The following NISCH variants were observed in gnomAD, a reference collection of about 807,000 sequenced individuals.
The protein encoded by NISCH is I-1 receptor candidate protein.
Under a neutral mutation model 138.4 loss-of-function variants are expected in NISCH, and 55 were observed. That is an observed-to-expected ratio of 0.40 (90% confidence interval 0.32 to 0.50). The LOEUF is 0.50. NISCH is among the 20% of genes least tolerant of loss of function. NISCH has a pLI of 0.71. For missense variants in NISCH, 1,643 were observed against 2,005.5 expected (o/e 0.82, Z 3.45); for synonymous variants, 860 against 861.5 (o/e 1.00, Z 0.03).
chr3:52,461,274 T>G (rs1706625076), intron 3 of NISCH, among the ~76,000 whole-genome samples: 1 of 152,064 alleles, frequency 6.6e-6, no homozygotes, highest in African/African-American at 2.4e-5. Context: ...TTCCTTAAAC[T>G]CTTTTCAGAG....
chr3:52,469,230 G>A (rs983723908), intron 3 of NISCH, among the ~76,000 whole-genome samples: 2 of 152,194 alleles, frequency 1.3e-5, no homozygotes, highest in African/African-American at 4.8e-5. Flanking sequence ...AAGGCCTGTT[G>A]GCTGCCATCT....
At position 52,472,363 on chromosome 3, in the gene NISCH, G is replaced by A. The variant is rs778631993; in HGVS notation, c.634G>A (p.Asp212Asn). ...SNIQEQLLPF[D>N]LSIFKSLHQV... ...CATTCAGGAGCAGCTCCTGCCGTTC[G>A]ACCTATCAATATTCAAGTCCCTGCA... Residue 212 changes from aspartate to asparagine, a missense_variant, in exon 6 of 21, where the codon GAC (aspartate) becomes AAC (asparagine). Transcript: ENST00000345716. The A allele has an allele frequency of 2.5e-6, 4 of 1,614,138 alleles. No homozygotes were observed. The highest frequency in any genetic ancestry group is 3.4e-6 in the Non-Finnish European group (4 of 1,180,026).
chr3:52,477,744 AG>A (rs1707145661), intron 9 of NISCH, 102 bp downstream of exon 9: 2 of 963,022 alleles, frequency 2.1e-6, no homozygotes, highest in African/African-American at 1.6e-5. Context: ...AGGGGTTGTA[AG>A]GGCAGGGGTT....
chr3:52,487,651 G>T lies in NISCH; in HGVS notation c.2159G>T (p.Gly720Val), dbSNP rs755584147. 6.2e-7 allele frequency: 1 copy of T among 1,613,808 alleles called. No individual in the cohort carries two copies. The highest frequency in any genetic ancestry group is 2.2e-5 in the East Asian group (1 of 44,880). The change falls in exon 16 of 21, where the codon GGC (glycine) becomes GTC (valine). Residue 720 changes from glycine to valine, a missense_variant. Transcript: ENST00000345716. The surrounding 1 kb of genome is among the most constrained non-coding windows in gnomAD (Gnocchi z 9.1). ...TGGTGCTTCCTGATCCATGTGCAGG[G>T]CAGTATCCGCCAGTTCGCCGCCTGC... ...VLWCFLIHVQ[G>V]SIRQFAACLV... is the part of the protein sequence containing the mutation.
chr3:52,477,427 A>C, intron 8 of NISCH, 147 bp from the exon 9 acceptor site: 1 of 643,072 alleles, frequency 1.6e-6, no homozygotes. Flanking sequence ...GGGCAGCGGG[A>C]GATGTCCCAC....
chr3:52,478,468 T>C lies in NISCH; in HGVS notation c.1193T>C (p.Ile398Thr), dbSNP rs148269171. The C allele has an allele frequency of 5.6e-6, 9 of 1,614,172 alleles. No homozygotes were observed. Among genetic ancestry groups the C allele is most frequent in the Non-Finnish European group, 7.6e-6 (9 of 1,180,028 alleles). Residue 398 changes from isoleucine to threonine, a missense_variant, in exon 11 of 21, where the codon ATA becomes ACA. Coordinates refer to ENST00000345716, the MANE Select transcript of NISCH (RefSeq NM_007184.4). ...TTGCAGATGGAGGAGGTCCGGAGCA[T>C]AGGCAGCCTCCCGTGTCTGGAGCAC... ...RIEQMEEVRS[I>T]GSLPCLEHVS...
chr3:52,483,601 G>A (rs572878083), intron 13 of NISCH, among the ~76,000 whole-genome samples: 1 of 152,338 alleles, frequency 6.6e-6, no homozygotes, highest in South Asian at 2.1e-4. Flanking sequence ...CGTGGGAGGT[G>A]GCCCCAGGGC....
chr3:52,484,462 T>TTGGCGG, intron 13 of NISCH, 51 bp from the exon 14 acceptor site: 3 of 788,670 alleles, frequency 3.8e-6, no homozygotes, highest in Middle Eastern at 4.5e-4. Context: ...ACAGCCGCTC[T>TTGGCGG]CCCCGCCCCA....
intron 2 of NISCH, among the ~76,000 whole-genome samples, 172 bp from the exon 3 acceptor site, chr3:52,458,490 G>C (rs1706540664): frequency 6.6e-6 from 1 of 152,196 alleles, no homozygotes; most frequent in African/African-American, 2.4e-5. Flanking sequence ...ATGCTAATTG[G>C]ATTTAAAGAG....
chr3:52,477,991 G>C, intron 9 of NISCH, 106 bp from the exon 10 acceptor site: 7 of 1,155,520 alleles, frequency 6.1e-6, no homozygotes, highest in Non-Finnish European at 8.8e-6. Flanking sequence ...GTGACTTGCA[G>C]AACTGGGTAG....
In NISCH at chr3:52,487,267, G is replaced by A; in HGVS notation, c.1775G>A (p.Cys592Tyr). The part of the protein sequence containing the change: ...SGQIIFLPFT[C>Y]IGYTATNQDF... ...CAGATCATCTTCCTGCCCTTCACCT[G>A]CATTGGCTACACGGCCACCAATCAG... Residue 592 changes from cysteine to tyrosine, a missense_variant, in exon 16 of 21, where the codon TGC becomes TAC. Physicochemically the swap from Cys to Tyr is radical, Grantham distance 194. Coordinates refer to ENST00000345716, the MANE Select transcript of NISCH (RefSeq NM_007184.4). The surrounding 1 kb of genome is among the most constrained non-coding windows in gnomAD (Gnocchi z 9.1). 1 of 1,614,188 alleles carries A rather than the reference G, an allele frequency of 6.2e-7. No homozygotes were observed. Among genetic ancestry groups the A allele is most frequent in the East Asian group, 2.2e-5 (1 of 44,880 alleles).
chr3:52,469,791 T>G (rs1202712209), intron 3 of NISCH, among the ~76,000 whole-genome samples: 1 of 152,036 alleles, frequency 6.6e-6, no homozygotes, highest in Non-Finnish European at 1.5e-5. Context: ...GGCACATGCC[T>G]GTACTACCAA....
At position 52,492,677 on chromosome 3, in the gene NISCH, G is replaced by A; in HGVS notation, c.*195G>A. The A allele has an allele frequency of 1.3e-6, 1 of 761,486 alleles. No individual in the cohort carries two copies. The highest frequency in any genetic ancestry group is 2.0e-6 in the Non-Finnish European group (1 of 489,984). The allele number at this position is 761,486 out of a possible 1,614,324, so 47.2% of individuals were successfully genotyped here. ...GAGTGAGAATGCCGGGCCCCTCAGG[G>A]CTGTCGGTGTGCTGTCAGCCTCCCA... On this transcript the variant is annotated 3_prime_UTR_variant, in exon 21 of 21. Transcript: ENST00000345716.
In NISCH at chr3:52,479,792, CTG is replaced by C. The variant is rs1707214202; in HGVS notation, c.1349_1350del (p.Val450GlyfsTer25). ...GTGACCACAGAGAAGGAGCTGGACA[CTG>C]TGGAAGTGCTGAAAGCAATTCAGAA... On this transcript the variant is annotated frameshift_variant, in exon 12 of 21. Coordinates refer to ENST00000345716, the MANE Select transcript of NISCH (RefSeq NM_007184.4). LOFTEE classifies it high-confidence loss of function. 1.9e-6 allele frequency: 3 copies of C among 1,613,714 alleles called. No homozygotes were observed. Among genetic ancestry groups the C allele is most frequent in the Non-Finnish European group, 2.5e-6 (3 of 1,179,916 alleles).
intron 3 of NISCH, 68 bp downstream of exon 3, chr3:52,458,912 C>G (rs1330435629): frequency 7.2e-7 from 1 of 1,394,262 alleles, no homozygotes; most frequent in African/African-American, 1.4e-5. Context: ...GGCAGCAAAC[C>G]AGGGGAGACC....
Position 52,492,814 on chromosome 3 carries a change from G to A in NISCH, c.*332G>A, listed in dbSNP as rs935430534. 1.1e-5 allele frequency: 4 copies of A among 348,216 alleles called. No individual in the cohort carries two copies. Among genetic ancestry groups the A allele is most frequent in the African/African-American group, 4.6e-5 (2 of 43,726 alleles). The allele number at this position is 348,216 out of a possible 1,614,324, so 21.6% of individuals were successfully genotyped here. A position where few individuals can be genotyped will look rare whatever the true frequency, so the allele number is the denominator to read the frequency against. ...TCTACACGTCCTTTCCTGAAGTGTC[G>A]AGTCCAGTCCTTTGTTGCTGTTGCT... On this transcript the variant is annotated 3_prime_UTR_variant, in exon 21 of 21. Coordinates refer to ENST00000345716, the MANE Select transcript of NISCH (RefSeq NM_007184.4).
At chr3:52,476,289 G>A (rs751066062) in intron 7 of NISCH, 158 bp from the exon 8 acceptor site, 46 of 743,288 alleles carry the variant, frequency 6.2e-5, no homozygotes, top group Admixed American at 5.2e-4. Context: ...TTTCACAATC[G>A]TTTAAAGACA....
At chr3:52,491,299 G>T (rs1276687598) in intron 19 of NISCH, 53 bp from the exon 20 acceptor site, 1 of 1,570,836 alleles carries the variant, frequency 6.4e-7, no homozygotes, top group Non-Finnish European at 8.6e-7. Context: ...AAGGGGCAGG[G>T]ATAGGGCTGG....
Position 52,487,142 on chromosome 3 carries a change from G to C in NISCH, c.1704-54G>C. ...AGTGGGCTCCAGATGTGGCAGGTGG[G>C]AGGTGGGAGGGGCCCCTCCCAGCAT... On this transcript the variant is annotated intron_variant, in intron 15 of 20. Transcript: ENST00000345716. The surrounding 1 kb of genome is among the most constrained non-coding windows in gnomAD (Gnocchi z 9.1). 6.4e-7 allele frequency: 1 copy of C among 1,555,264 alleles called. No homozygotes were observed. Among genetic ancestry groups the C allele is most frequent in the Non-Finnish European group, 8.7e-7 (1 of 1,146,146 alleles).
Sources: gnomAD v4.1 joint callset for allele counts (sites outside exome capture counted in the v4.1 genomes callset) on GRCh38, gnomAD v4.1.1 for gene constraint, Gnocchi (gnomAD v3.1) non-coding constraint, MANE v1.5 for transcripts, NCBI Gene and HGNC (gene_info 2026-07-23, HGNC 2026-07-21) for gene names.